The following SLC38A10 variants were observed in gnomAD, a reference collection of about 807,000 sequenced individuals.
The protein encoded by SLC38A10 is Sodium-coupled neutral amino acid transporter 10.
SLC38A10 carries 53 observed loss-of-function variants against 81.0 expected under a neutral mutation model. The ratio of observed to expected loss-of-function variants is 0.65; its 90% CI spans 0.53 to 0.82. SLC38A10 has a LOEUF of 0.82. Among genes scored for constraint, SLC38A10 ranks in the 40% least tolerant of loss-of-function variants. SLC38A10 has a pLI of 0.00. For synonymous variants in SLC38A10, 665 were observed against 655.3 expected, an observed-to-expected ratio of 1.01 and a Z score of -0.23; for missense variants, 1,471 against 1,545.0, an observed-to-expected ratio of 0.95 and a Z score of 0.80.
rs915177702 is a variant in SLC38A10 at position 81,289,628 on chromosome 17, TA to T, written c.217+62del. ...GAATCAAGTAGAGTAAATAAATAAATAAATAAATGGAATAAGGCCCCCGCCC... is the reference window on the plus strand; with the variant it reads ...GAATCAAGTAGAGTAAATAAATAAATAATAAATGGAATAAGGCCCCCGCCC... On this transcript the variant is annotated intron_variant, in intron 2 of 15. Transcript: ENST00000374759. This position sits in a 1 kb window ranked among gnomAD's most constrained non-coding sequence, Gnocchi z 5.9. 6 of 1,090,052 alleles carry T rather than the reference TA, an allele frequency of 5.5e-6. No homozygotes were observed. In the African/African-American group the frequency reaches 9.7e-5, roughly 18 times the overall value. The allele number at this position is 1,090,052 out of a possible 1,614,324, so 67.5% of individuals were successfully genotyped here. A position where few individuals can be genotyped will look rare whatever the true frequency, so the allele number is the denominator to read the frequency against.
chr17:81,294,941 C>G lies in SLC38A10; in HGVS notation c.-20G>C, dbSNP rs774856678. The G allele has an allele frequency of 6.4e-7, 1 of 1,567,846 alleles. No homozygotes were observed. Among genetic ancestry groups the G allele is most frequent in the South Asian group, 1.2e-5 (1 of 86,066 alleles). On this transcript the variant is annotated 5_prime_UTR_variant, in exon 1 of 16. Transcript: ENST00000374759. ...GGTCATAGTGAGAGGTCTAGGGGCC[C>G]GGGGCGAGAGGCCTCGGGGGTCGCC... is the stretch of plus-strand genomic sequence containing the variant.
Position 81,260,413 on chromosome 17 carries a change from CA to C in SLC38A10, c.1132-20del. 6.2e-7 allele frequency: 1 copy of C among 1,602,542 alleles called. No homozygotes were observed. The highest frequency in any genetic ancestry group is 8.5e-7 in the Non-Finnish European group (1 of 1,174,030). The stretch of plus-strand genomic sequence containing the variant: ...GCACCACCTGAGGAGACAAAGACCC[CA>C]GGGGCGGGAGTCACAGCTGGCCCCC... On this transcript the variant is annotated intron_variant, in intron 10 of 15. Transcript: ENST00000374759.
rs373182555 is a variant in SLC38A10, at chr17:81,270,334, G to C, written c.1131+584C>G. Among the ~76,000 whole-genome samples, 1 of 152,240 alleles carries C rather than the reference G, an allele frequency of 6.6e-6. No homozygotes were observed. The highest frequency in any genetic ancestry group is 1.5e-5 in the Non-Finnish European group (1 of 68,042). ...ATTCATCGCGATTCTGTCTGCAATA[G>C]CAAGACTGGAGAGGTGAGTCCTTCG... On this transcript the variant is annotated intron_variant, in intron 10 of 15. Transcript: ENST00000374759. The surrounding 1 kb of genome is among the most constrained non-coding windows in gnomAD (Gnocchi z 4.0).
At chr17:81,287,528 G>A (rs1200236207) in intron 2 of SLC38A10, among the ~76,000 whole-genome samples, 1 of 152,208 alleles carries the variant, frequency 6.6e-6, no homozygotes, top group Non-Finnish European at 1.5e-5. Context: ...TGGGCCCAGG[G>A]GCCTCTGTCC....
intron 1 of SLC38A10, among the ~76,000 whole-genome samples, chr17:81,292,405 G>A (rs756530125): frequency 1.1e-4 from 16 of 151,906 alleles, no homozygotes; most frequent in Admixed American, 4.6e-4. Flanking sequence ...GATTACAGGC[G>A]TGAGCCAACA....
Position 81,287,704 on chromosome 17 carries a change from G to A in SLC38A10, c.217+1987C>T, listed in dbSNP as rs767979833. The stretch of plus-strand genomic sequence containing the variant: ...CAGGAGTTCCAGGCAGCACAGAAGA[G>A]CACCCACCCGGCAATTTTCTTCCAG... On this transcript the variant is annotated intron_variant, in intron 2 of 15. Transcript: ENST00000374759. Among the ~76,000 whole-genome samples the A allele has an allele frequency of 8.7e-4, 132 of 152,240 alleles. 4 individuals are homozygous for A. Among genetic ancestry groups the A allele is most frequent in the Non-Finnish European group, 2.4e-4 (16 of 68,044 alleles).
At chr17:81,259,729 C>T (rs1391416140) in intron 11 of SLC38A10, among the ~76,000 whole-genome samples, 2 of 152,078 alleles carry the variant, frequency 1.3e-5, no homozygotes, top group African/African-American at 2.4e-5. Context: ...GTCGAGGTTA[C>T]AGGGCGCCAC....
rs2063104322 is a variant in SLC38A10 at position 81,270,394 on chromosome 17, C to A, written c.1131+524G>T. On this transcript the variant is annotated intron_variant, in intron 10 of 15. Coordinates refer to ENST00000374759, the MANE Select transcript of SLC38A10 (RefSeq NM_001037984.3). The surrounding 1 kb of genome is among the most constrained non-coding windows in gnomAD (Gnocchi z 4.0). ...ATTATGGAATCTTCCTACCACGGAACCCATGAAACGGCTAAAAATAGCGAG... is the reference window on the plus strand; with the variant it reads ...ATTATGGAATCTTCCTACCACGGAAACCATGAAACGGCTAAAAATAGCGAG... Among the ~76,000 whole-genome samples the A allele has an allele frequency of 6.6e-6, 1 of 152,224 alleles. No individual in the cohort carries two copies. Among genetic ancestry groups the A allele is most frequent in the Non-Finnish European group, 1.5e-5 (1 of 68,044 alleles).
rs2063009522 is a variant in SLC38A10, at chr17:81,260,253, C to T, written c.1273G>A (p.Ala425Thr). 2 of 1,604,396 alleles carry T rather than the reference C, an allele frequency of 1.2e-6. No individual in the cohort carries two copies. Among genetic ancestry groups the T allele is most frequent in the South Asian group, 1.1e-5 (1 of 89,248 alleles). ...GTGGGCATACCTGAGAGCCGCGCTG[C>T]CTCCACCTTCATCAAACCCTCGGCC... is the stretch of plus-strand genomic sequence containing the variant. ...GEAEGLMKVE[A>T]ARLSAQDPVV... is the part of the protein sequence containing the mutation. Residue 425 changes from alanine to threonine, a missense_variant, in exon 11 of 16, where the codon GCA (alanine) becomes ACA (threonine). Ala to Thr is a moderately conservative substitution (Grantham distance 58, BLOSUM62 0). Transcript: ENST00000374759.
rs2062948680 is a variant in SLC38A10, at chr17:81,253,977, C to G, written c.1289-737G>C. Among the ~76,000 whole-genome samples the G allele has an allele frequency of 6.6e-6, 1 of 151,680 alleles. No homozygotes were observed. Among genetic ancestry groups the G allele is most frequent in the African/African-American group, 2.4e-5 (1 of 41,012 alleles). On this transcript the variant is annotated intron_variant, in intron 11 of 15. Transcript: ENST00000374759. This position sits in a 1 kb window ranked among gnomAD's most constrained non-coding sequence, Gnocchi z 4.1. ...TCACCACCACCATCTCCATCCCCACCACCATCGCTGCATCATTGCCACCAC... is the reference window on the plus strand; with the variant it reads ...TCACCACCACCATCTCCATCCCCACGACCATCGCTGCATCATTGCCACCAC...
intron 11 of SLC38A10, among the ~76,000 whole-genome samples, chr17:81,254,293 G>T (rs75787532): frequency 5.2e-4 from 79 of 152,344 alleles, no homozygotes; most frequent in Admixed American, 5.0e-3. Context: ...TCTAAGAGCA[G>T]CCTGATATGT....
chr17:81,267,739 A>G (rs1469564185), intron 10 of SLC38A10, among the ~76,000 whole-genome samples: 1 of 152,140 alleles, frequency 6.6e-6, no homozygotes, highest in African/African-American at 2.4e-5. Context: ...AATAAAAACA[A>G]TAAAAACACC....
At position 81,286,870 on chromosome 17, in the gene SLC38A10, C is replaced by T. The variant is rs1001231587; in HGVS notation, c.218-1975G>A. Among the ~76,000 whole-genome samples, 4 of 152,080 alleles carry T rather than the reference C, an allele frequency of 2.6e-5. No individual in the cohort carries two copies. The highest frequency in any genetic ancestry group is 4.8e-5 in the African/African-American group (2 of 41,400). ...AAACAGTCCCTGCTGCTGGGGGAGG[C>T]GGTTTCTAGCCCAGACCACGCATGC... On this transcript the variant is annotated intron_variant, in intron 2 of 15. Coordinates refer to ENST00000374759, the MANE Select transcript of SLC38A10 (RefSeq NM_001037984.3). This position sits in a 1 kb window ranked among gnomAD's most constrained non-coding sequence, Gnocchi z 6.0.
chr17:81,280,245 C>A, intron 6 of SLC38A10: 1 of 434,258 alleles, frequency 2.3e-6, no homozygotes, highest in Non-Finnish European at 4.6e-6. Context: ...ATGTTTGTGC[C>A]ATTTCCTTTT....
At chr17:81,261,168 C>T (rs1419417681) in intron 10 of SLC38A10, among the ~76,000 whole-genome samples, 1 of 152,252 alleles carries the variant, frequency 6.6e-6, no homozygotes, top group African/African-American at 2.4e-5. Context: ...AAGCATCACA[C>T]GTGCCGCCTC....
At position 81,277,175 on chromosome 17, in the gene SLC38A10, C is replaced by T; in HGVS notation, c.627-42G>A. On this transcript the variant is annotated intron_variant, in intron 6 of 15. Transcript: ENST00000374759. This position sits in a 1 kb window ranked among gnomAD's most constrained non-coding sequence, Gnocchi z 4.5. ...CATTTCACAGCGGACCTGAGAGAGG[C>T]ACGCCCTCCCCAGCGGCTCCACTTC... is the stretch of plus-strand genomic sequence containing the variant. The T allele has an allele frequency of 6.3e-7, 1 of 1,580,178 alleles. No homozygotes were observed. Among genetic ancestry groups the T allele is most frequent in the Non-Finnish European group, 8.7e-7 (1 of 1,151,188 alleles).
chr17:81,282,272 G>A lies in SLC38A10; in HGVS notation c.418C>T (p.Leu140Phe). The change falls in exon 5 of 16, where the codon CTC (leucine) becomes TTC (phenylalanine). Residue 140 changes from leucine to phenylalanine, a missense_variant. By Grantham distance (22) the Leu-to-Phe change is conservative. Around this residue, in one of 2 missense-constraint regions of SLC38A10, gnomAD observed 720 missense variants for 827.7 expected, o/e 0.87. Coordinates refer to ENST00000374759, the MANE Select transcript of SLC38A10 (RefSeq NM_001037984.3). ...FAVSLCIVLP[L>F]SLQRNMMASI... is the part of the protein sequence containing the mutation. ...GCCATCATGTTCCGCTGCAGGCTGA[G>A]CGGGAGCACGATGCACAGCGACACG... 6.2e-7 allele frequency: 1 copy of A among 1,613,576 alleles called. No homozygotes were observed. The highest frequency in any genetic ancestry group is 8.5e-7 in the Non-Finnish European group (1 of 1,180,034).
At chr17:81,280,489 A>G in intron 6 of SLC38A10, 120 bp downstream of exon 6, 5 of 1,446,912 alleles carry the variant, frequency 3.5e-6, no homozygotes, top group South Asian at 1.4e-5. Context: ...TGAACAAGAC[A>G]TCACTCTTTA....
chr17:81,246,735 G>A, intron 15 of SLC38A10, 62 bp from the exon 16 acceptor site: 2 of 1,499,474 alleles, frequency 1.3e-6, no homozygotes, highest in South Asian at 2.8e-5. Context: ...CAGTGGAGGG[G>A]CTCAGAAGAA....
Sources: gnomAD v4.1 joint callset for allele counts (sites outside exome capture counted in the v4.1 genomes callset) on GRCh38, gnomAD v4.1.1 for gene constraint, gnomAD v4.1.1 regional missense constraint, Gnocchi (gnomAD v3.1) non-coding constraint, MANE v1.5 for transcripts, NCBI Gene and HGNC (gene_info 2026-07-23, HGNC 2026-07-21) for gene names.